SLC9A9: variants seen among roughly 807,000 people sequenced by gnomAD.
The protein encoded by SLC9A9 is solute carrier family 9 member A9.
In SLC9A9, 62 loss-of-function variants were observed where a neutral mutation model predicts 77.8. The ratio of observed to expected loss-of-function variants is 0.80; its 90% CI spans 0.65 to 0.98. The LOEUF is 0.98. SLC9A9 is among the 50% of genes least tolerant of loss of function. SLC9A9 has a pLI of 0.00. For missense variants in SLC9A9, 775 were observed against 774.9 expected, an observed-to-expected ratio of 1.00 and a Z score of 0.00; for synonymous variants, 320 against 283.5, an observed-to-expected ratio of 1.13 and a Z score of -1.29.
intron 11 of SLC9A9, among the ~76,000 whole-genome samples, chr3:143,474,842 T>C (rs1489655381): frequency 6.6e-6 from 1 of 152,188 alleles, no homozygotes; most frequent in Non-Finnish European, 1.5e-5. Flanking sequence ...GCCTTTGTAC[T>C]TGCAGCTTTT....
At chr3:143,586,072 C>T (rs2037536158) in intron 6 of SLC9A9, among the ~76,000 whole-genome samples, 1 of 152,212 alleles carries the variant, frequency 6.6e-6, no homozygotes, top group Admixed American at 6.5e-5. Context: ...TAACAGTTTA[C>T]ACCTCAAACA....
chr3:143,358,209 A>T (rs2108479707), intron 14 of SLC9A9, among the ~76,000 whole-genome samples: 1 of 152,282 alleles, frequency 6.6e-6, no homozygotes, highest in African/African-American at 2.4e-5. Flanking sequence ...CCAGACTCTT[A>T]AGAATGGGAA....
At chr3:143,403,293 C>T (rs572452999) in intron 12 of SLC9A9, among the ~76,000 whole-genome samples, 8 of 152,070 alleles carry the variant, frequency 5.3e-5, no homozygotes, top group African/African-American at 1.9e-4. Flanking sequence ...AGCTTCCTTT[C>T]CTCACTCCTC....
In SLC9A9 at chr3:143,625,523, C is replaced by T. The variant is rs138214269; in HGVS notation, c.755+26732G>A. 7.7e-4 allele frequency among the ~76,000 whole-genome samples: 118 copies of T among 152,266 alleles called. 1 individual carries two copies. Among genetic ancestry groups the T allele is most frequent in the African/African-American group, 2.8e-3 (115 of 41,550 alleles). ...AAAACAAACAATGGGGAAAAGATTCCCTATTTAATAAAAGGTGCTGGGAAA... is the reference window on the plus strand; with the variant it reads ...AAAACAAACAATGGGGAAAAGATTCTCTATTTAATAAAAGGTGCTGGGAAA... On this transcript the variant is annotated intron_variant, in intron 6 of 15. Coordinates refer to ENST00000316549, the MANE Select transcript of SLC9A9 (RefSeq NM_173653.4).
Position 143,378,716 on chromosome 3 carries a change from C to A in SLC9A9, c.1524+3344G>T, listed in dbSNP as rs2033236270. ...AAACTTCCTGTTGTGTGGGAGGCTA[C>A]CTGAGGGTTTTGTTTTTCACATTTA... is the stretch of plus-strand genomic sequence containing the variant. On this transcript the variant is annotated intron_variant, in intron 13 of 15. Coordinates refer to ENST00000316549, the MANE Select transcript of SLC9A9 (RefSeq NM_173653.4). 2.0e-5 allele frequency among the ~76,000 whole-genome samples: 3 copies of A among 152,106 alleles called. No individual in the cohort carries two copies. In the South Asian group the frequency reaches 6.2e-4, roughly 32 times the overall value.
chr3:143,400,584 G>A (rs1459494238), intron 12 of SLC9A9, among the ~76,000 whole-genome samples: 1 of 151,982 alleles, frequency 6.6e-6, no homozygotes, highest in East Asian at 1.9e-4. Context: ...TGGGTCCAGT[G>A]TATACTACTC....
At chr3:143,831,535 T>G (rs762796050) in intron 2 of SLC9A9, among the ~76,000 whole-genome samples, 12 of 152,208 alleles carry the variant, frequency 7.9e-5, no homozygotes, top group Non-Finnish European at 1.2e-4. Flanking sequence ...CATAGCCAAG[T>G]GGCCAGTGTT....
rs570306630 is a variant in SLC9A9, at chr3:143,621,498, C to A, written c.755+30757G>T. Among the ~76,000 whole-genome samples the A allele has an allele frequency of 3.5e-3, 535 of 152,336 alleles. 1 individual carries two copies. Among genetic ancestry groups the A allele is most frequent in the Non-Finnish European group, 5.5e-3 (371 of 68,032 alleles). On this transcript the variant is annotated intron_variant, in intron 6 of 15. Coordinates refer to ENST00000316549, the MANE Select transcript of SLC9A9 (RefSeq NM_173653.4). The stretch of plus-strand genomic sequence containing the variant: ...GCAGCCTCCGCTGCTGATACCCAGG[C>A]AAACAGGGTCTGGAGTGGACCTCCA...
chr3:143,537,036 A>G (rs934683082), intron 9 of SLC9A9, among the ~76,000 whole-genome samples: 1 of 152,168 alleles, frequency 6.6e-6, no homozygotes, highest in African/African-American at 2.4e-5. Context: ...TCCCAAGCCT[A>G]TCAGCATGTG....
intron 4 of SLC9A9, among the ~76,000 whole-genome samples, chr3:143,791,772 C>A (rs2008232812): frequency 1.3e-5 from 2 of 152,204 alleles, no homozygotes; most frequent in Non-Finnish European, 1.5e-5. Context: ...CTGCCCATTT[C>A]ATGCAAATCT....
intron 4 of SLC9A9, among the ~76,000 whole-genome samples, chr3:143,699,548 T>C (rs12489656): frequency 0.5 from 75,512 of 152,022 alleles, 19,090 homozygotes; most frequent in South Asian, 0.62. Flanking sequence ...TAAAACATTG[T>C]ACTGAACTTA....
At chr3:143,814,940 C>T (rs958675966) in intron 2 of SLC9A9, among the ~76,000 whole-genome samples, 6 of 151,948 alleles carry the variant, frequency 3.9e-5, no homozygotes, top group Non-Finnish European at 8.8e-5. Flanking sequence ...GGCTCTGGGC[C>T]TTTCACAGGG....
chr3:143,771,895 A>G (rs2007531972), intron 4 of SLC9A9, among the ~76,000 whole-genome samples: 2 of 152,166 alleles, frequency 1.3e-5, no homozygotes, highest in African/African-American at 4.8e-5. Flanking sequence ...AAGAAGAAGA[A>G]GTCCCCTTTC....
chr3:143,397,864 G>A (rs1469862012), intron 12 of SLC9A9, among the ~76,000 whole-genome samples: 1 of 152,116 alleles, frequency 6.6e-6, no homozygotes, highest in African/African-American at 2.4e-5. Context: ...AGTATACTTT[G>A]ACAATAAGGG....
At chr3:143,338,926 C>T (rs997764904) in intron 14 of SLC9A9, among the ~76,000 whole-genome samples, 2 of 152,206 alleles carry the variant, frequency 1.3e-5, no homozygotes, top group African/African-American at 4.8e-5. Flanking sequence ...CCACCTTTAA[C>T]TTATTACATA....
intron 9 of SLC9A9, among the ~76,000 whole-genome samples, chr3:143,534,361 T>C (rs976093514): frequency 5.3e-5 from 8 of 152,258 alleles, no homozygotes; most frequent in Admixed American, 5.2e-4. Flanking sequence ...TGAAGTTTGA[T>C]GGCCTGTACA....
chr3:143,750,910 G>T (rs944284541), intron 4 of SLC9A9, among the ~76,000 whole-genome samples: 3 of 152,100 alleles, frequency 2.0e-5, no homozygotes, highest in Non-Finnish European at 2.9e-5. Context: ...ACTGTATGGG[G>T]CAGTAGATTT....
At chr3:143,436,936 C>T (rs968553901) in intron 12 of SLC9A9, among the ~76,000 whole-genome samples, 1 of 152,206 alleles carries the variant, frequency 6.6e-6, no homozygotes, top group Non-Finnish European at 1.5e-5. Flanking sequence ...TCAAGGCCTT[C>T]CCTCACTCCC....
At position 143,462,477 on chromosome 3, in the gene SLC9A9, G is replaced by A. The variant is rs117243319; in HGVS notation, c.1469+4560C>T. Among the ~76,000 whole-genome samples the A allele has an allele frequency of 2.0e-5, 3 of 152,328 alleles. No individual in the cohort carries two copies. In the East Asian group the frequency reaches 5.8e-4, roughly 29 times the overall value. On this transcript the variant is annotated intron_variant, in intron 12 of 15. Transcript: ENST00000316549. Reference sequence around the variant, plus strand: ...CAAATTTTTTTACTGATTTGGGGAAGAGGCTGACGGCAGGATAGTTTGGGA... The same window carrying A: ...CAAATTTTTTTACTGATTTGGGGAAAAGGCTGACGGCAGGATAGTTTGGGA...
Sources: allele counts gnomAD v4.1 joint callset (sites outside exome capture counted in the v4.1 genomes callset), GRCh38; gene constraint gnomAD v4.1.1; transcripts MANE v1.5; gene names NCBI Gene and HGNC (gene_info 2026-07-23, HGNC 2026-07-21).